The following LYN variants were observed in gnomAD, a reference collection of about 807,000 sequenced individuals.
LYN encodes tyrosine-protein kinase Lyn.
LYN carries 12 observed loss-of-function variants against 65.0 expected under a neutral mutation model. The ratio of observed to expected loss-of-function variants is 0.18; its 90% CI spans 0.12 to 0.30. The LOEUF is 0.30. Ranked by LOEUF, LYN falls within the 10% of genes least tolerant of loss-of-function variation. The pLI is 1.00. For missense variants in LYN, 380 were observed against 623.2 expected (o/e 0.61, Z 4.16); for synonymous variants, 222 against 221.2 (o/e 1.00, Z -0.03).
At chr8:55,953,750 T>C in intron 7 of LYN, 82 bp from the exon 8 acceptor site, 2 of 1,324,488 alleles carry the variant, frequency 1.5e-6, no homozygotes, top group Non-Finnish European at 2.1e-6. Context: ...ACTATAAGGC[T>C]AGTGTTCAAC....
At chr8:55,941,828 A>G in intron 1 of LYN, 27 bp from the exon 2 acceptor site, 3 of 1,602,632 alleles carry the variant, frequency 1.9e-6, no homozygotes, top group Non-Finnish European at 1.7e-6. Context: ...ATGGTAAAAC[A>G]ATGTCATTAC....
intron 1 of LYN, among the ~76,000 whole-genome samples, chr8:55,911,538 G>A (rs1805639152): frequency 6.6e-6 from 1 of 151,812 alleles, no homozygotes; most frequent in African/African-American, 2.4e-5. Flanking sequence ...CCCTGAACTC[G>A]TAGGGGCAGC....
chr8:55,984,490 CTCAAAG>C (rs1808019242), intron 10 of LYN, among the ~76,000 whole-genome samples: 1 of 152,242 alleles, frequency 6.6e-6, no homozygotes, highest in Admixed American at 6.5e-5. Context: ...GATCCCAACA[CTCAAAG>C]TCATTCTTGA....
intron 1 of LYN, among the ~76,000 whole-genome samples, chr8:55,935,443 G>T (rs372285574): frequency 4.6e-5 from 7 of 152,076 alleles, no homozygotes; most frequent in Non-Finnish European, 7.4e-5. Flanking sequence ...AAATAAAGAC[G>T]GTCTGGCTAG....
chr8:55,942,118 T>C, intron 2 of LYN, 127 bp downstream of exon 2: 1 of 903,416 alleles, frequency 1.1e-6, no homozygotes, highest in Non-Finnish European at 1.7e-6. Context: ...CAAATAATTT[T>C]TGATATGCTT....
chr8:55,972,432 G>T (rs1043508371), intron 10 of LYN, among the ~76,000 whole-genome samples: 6 of 152,098 alleles, frequency 3.9e-5, no homozygotes, highest in African/African-American at 1.2e-4. Context: ...TTGAGAAAGG[G>T]GTCTTACCCT....
chr8:55,884,900 T>G (rs1692041308), intron 1 of LYN, among the ~76,000 whole-genome samples: 1 of 152,224 alleles, frequency 6.6e-6, no homozygotes, highest in African/African-American at 2.4e-5. Flanking sequence ...CATTACTGAA[T>G]TAGCTGGCAG....
At chr8:55,963,859 T>G (rs1807361620) in intron 8 of LYN, among the ~76,000 whole-genome samples, 1 of 152,244 alleles carries the variant, frequency 6.6e-6, no homozygotes, top group Admixed American at 6.5e-5. Context: ...TATCATGTAT[T>G]TTCCTGCTGT....
At chr8:55,979,050 C>CTTTTTTT (rs11287133) in intron 10 of LYN, among the ~76,000 whole-genome samples, 3 of 74,276 alleles carry the variant, frequency 4.0e-5, no homozygotes, top group African/African-American at 1.0e-4. Context: ...ACTTCTCATT[C>CTTTTTTT]TTTTTTTTTT....
chr8:55,917,238 T>G (rs1247192222), intron 1 of LYN, among the ~76,000 whole-genome samples: 1 of 150,212 alleles, frequency 6.7e-6, no homozygotes, highest in Admixed American at 6.6e-5. Context: ...CAGGCTGGAG[T>G]GCAGTGGTGT....
intron 1 of LYN, among the ~76,000 whole-genome samples, chr8:55,915,163 G>A (rs937389958): frequency 1.3e-5 from 2 of 152,026 alleles, no homozygotes; most frequent in African/African-American, 4.8e-5. Context: ...TTCCATCGCT[G>A]TGTTGCAGCT....
At chr8:55,884,518 G>A (rs184767771) in intron 1 of LYN, among the ~76,000 whole-genome samples, 115 of 152,194 alleles carry the variant, frequency 7.6e-4, no homozygotes, top group Non-Finnish European at 1.3e-3. Flanking sequence ...GTGCTTTGGC[G>A]TGATCCCAGT....
At chr8:55,964,589 G>C (rs1192741427) in intron 8 of LYN, among the ~76,000 whole-genome samples, 1 of 152,100 alleles carries the variant, frequency 6.6e-6, no homozygotes, top group Non-Finnish European at 1.5e-5. Flanking sequence ...ATACTTGGCT[G>C]GGCACAGTGG....
chr8:55,963,748 C>T (rs569604401), intron 8 of LYN, among the ~76,000 whole-genome samples: 2 of 152,236 alleles, frequency 1.3e-5, no homozygotes, highest in African/African-American at 4.8e-5. Context: ...CCTATTTCTT[C>T]TGATTTTTCT....
At chr8:55,907,289 G>A (rs1204041031) in intron 1 of LYN, among the ~76,000 whole-genome samples, 2 of 152,128 alleles carry the variant, frequency 1.3e-5, no homozygotes, top group East Asian at 3.8e-4. Context: ...AACACTGATT[G>A]AATCTCAAAA....
chr8:55,994,930 C>T (rs1331837762), intron 10 of LYN, among the ~76,000 whole-genome samples: 1 of 152,166 alleles, frequency 6.6e-6, no homozygotes, highest in Non-Finnish European at 1.5e-5. Flanking sequence ...TCGCCAAAAG[C>T]CTACTGTGTT....
chr8:55,956,350 A>G (rs1205050037), intron 8 of LYN, among the ~76,000 whole-genome samples: 1 of 152,118 alleles, frequency 6.6e-6, no homozygotes, highest in East Asian at 1.9e-4. Context: ...GAGTTTTGTG[A>G]AGAGTGTTTA....
chr8:55,883,915 C>A (rs1450913534), intron 1 of LYN, among the ~76,000 whole-genome samples: 1 of 152,034 alleles, frequency 6.6e-6, no homozygotes, highest in Non-Finnish European at 1.5e-5. Context: ...GTCTGGTTTC[C>A]TGATACTTAA....
intron 6 of LYN, 148 bp from the exon 7 acceptor site, chr8:55,951,818 T>C (rs1181448238): frequency 1.8e-6 from 1 of 570,976 alleles, no homozygotes; most frequent in South Asian, 3.1e-5. Flanking sequence ...AGAATTTTTA[T>C]AGGACTTTTA....
Sources: allele counts gnomAD v4.1 joint callset (sites outside exome capture counted in the v4.1 genomes callset), GRCh38; gene constraint gnomAD v4.1.1; transcripts MANE v1.5; gene names NCBI Gene and HGNC (gene_info 2026-07-23, HGNC 2026-07-21).